Variants in NHSL2 observed in about 807,000 individuals in gnomAD.
The protein encoded by NHSL2 is NHS-like protein 2.
NHSL2 carries 27 observed loss-of-function variants against 53.4 expected under a neutral mutation model. That is an observed-to-expected ratio of 0.51 (90% CI 0.37 to 0.70). NHSL2 has a LOEUF of 0.70. Among genes scored for constraint, NHSL2 ranks in the 30% least tolerant of loss-of-function variants. NHSL2 has a pLI of 0.00. For missense variants in NHSL2, 892 were observed against 980.1 expected (o/e 0.91, Z 1.20); for synonymous variants, 408 against 404.1 (o/e 1.01, Z -0.12).
At chrX:71,932,487 T>C (rs1403193732) in intron 1 of NHSL2, among the ~76,000 whole-genome samples, 1 of 110,821 alleles carries the variant, frequency 9.0e-6, no homozygotes. Flanking sequence ...GAGAGGGGTG[T>C]GCAAGATCAG....
chrX:72,042,544 T>C (rs1179404861), intron 1 of NHSL2, among the ~76,000 whole-genome samples: 3 of 111,440 alleles, frequency 2.7e-5, no homozygotes, highest in Non-Finnish European at 3.8e-5. Flanking sequence ...GAGTTGGTCC[T>C]AGCTCCCCAC....
chrX:72,041,981 C>T (rs1362033902), intron 1 of NHSL2, among the ~76,000 whole-genome samples: 3 of 112,172 alleles, frequency 2.7e-5, no homozygotes, highest in Non-Finnish European at 5.6e-5. Context: ...TTTCCCGCAA[C>T]CCTCAGGTCT....
intron 1 of NHSL2, among the ~76,000 whole-genome samples, chrX:72,120,639 C>T (rs999566124): frequency 1.6e-4 from 18 of 112,037 alleles, no homozygotes; most frequent in African/African-American, 2.3e-4. Flanking sequence ...TTTGGCCCTC[C>T]GCCTCCTTCT....
intron 1 of NHSL2, among the ~76,000 whole-genome samples, chrX:71,937,388 G>A (rs1287205547): frequency 8.9e-6 from 1 of 111,752 alleles, no homozygotes; most frequent in Non-Finnish European, 1.9e-5. Flanking sequence ...TGGACCAAAG[G>A]ACCTAGAACC....
chrX:72,043,006 C>T (rs1009720629), intron 1 of NHSL2, among the ~76,000 whole-genome samples: 1 of 111,263 alleles, frequency 9.0e-6, no homozygotes, highest in African/African-American at 3.3e-5. Context: ...TGTGCCAGGC[C>T]TGGACTAGGT....
At chrX:72,046,341 A>G (rs780991826) in intron 1 of NHSL2, among the ~76,000 whole-genome samples, 3 of 112,096 alleles carry the variant, frequency 2.7e-5, no homozygotes, top group South Asian at 7.4e-4. Context: ...CCATATACTG[A>G]GTAGAGGCAT....
rs983283897 is a variant in NHSL2, at chrX:72,096,861, G to T, written c.281-35218G>T. ...TGGACTCAAACTCCTGGGCTCACGCGATCGTCCTGCCTCAGCCTCCCGAGT... is the reference window on the plus strand; with the variant it reads ...TGGACTCAAACTCCTGGGCTCACGCTATCGTCCTGCCTCAGCCTCCCGAGT... On this transcript the variant is annotated intron_variant, in intron 1 of 7. Transcript: ENST00000633930. 4.5e-5 allele frequency among the ~76,000 whole-genome samples: 5 copies of T among 111,720 alleles called. No individual in the cohort carries two copies. The South Asian group carries it at 1.9e-3, about 41-fold the overall frequency.
Position 72,146,265 on chromosome X carries a change from A to G in NHSL2, c.*2691A>G, listed in dbSNP as rs922933372. The G allele has an allele frequency of 9.0e-5, 10 of 111,400 alleles. No homozygotes were observed. Among genetic ancestry groups the G allele is most frequent in the African/African-American group, 2.6e-4 (8 of 30,572 alleles). 9.2% of individuals were successfully genotyped at this position (111,400 alleles called of 1,213,427 possible). A position where few individuals can be genotyped will look rare whatever the true frequency, so the allele number is the denominator to read the frequency against. On this transcript the variant is annotated 3_prime_UTR_variant, in exon 8 of 8. Coordinates refer to ENST00000633930, the MANE Select transcript of NHSL2 (RefSeq NM_001013627.3). ...ACAACCAAACTGTAAAATTTCTACT[A>G]ATCACTAATTAACAGAACACAAAGC...
Position 71,910,861 on chromosome X carries a change from C to G in NHSL2, c.-227C>G. 4.4e-6 allele frequency: 1 copy of G among 227,143 alleles called. No homozygotes were observed. The highest frequency in any genetic ancestry group is 7.1e-5 in the Admixed American group (1 of 14,057). 18.7% of individuals were successfully genotyped at this position (227,143 alleles called of 1,213,427 possible). On this transcript the variant is annotated 5_prime_UTR_variant, in exon 1 of 8. Transcript: ENST00000633930. ...AGCAGAGTCAGAGGGACTGGTGGCT[C>G]CGGCGAGTGTGCAGCCCCGGGGGAG...
chrX:71,955,604 C>T (rs939205043), intron 1 of NHSL2, among the ~76,000 whole-genome samples: 2 of 110,110 alleles, frequency 1.8e-5, no homozygotes, highest in Non-Finnish European at 3.8e-5. Flanking sequence ...CTAGCCCACA[C>T]GTCTCAAAAA....
chrX:71,998,826 A>G (rs1372612332), intron 1 of NHSL2, among the ~76,000 whole-genome samples: 1 of 111,634 alleles, frequency 9.0e-6, no homozygotes, highest in Non-Finnish European at 1.9e-5. Flanking sequence ...CCACCTTCAC[A>G]CATGCAAACA....
At chrX:72,070,082 G>A (rs1262419091) in intron 1 of NHSL2, among the ~76,000 whole-genome samples, 1 of 111,958 alleles carries the variant, frequency 8.9e-6, no homozygotes, top group Non-Finnish European at 1.9e-5. Context: ...CCTGGATCCA[G>A]TAGGCAGAAT....
intron 1 of NHSL2, among the ~76,000 whole-genome samples, chrX:72,110,760 A>T: frequency 9.9e-6 from 1 of 101,416 alleles, no homozygotes; most frequent in South Asian, 4.8e-4. Context: ...AAACCCAAAG[A>T]GGAACTTCTA....
chrX:72,019,568 CAG>C (rs2042150671), intron 1 of NHSL2, among the ~76,000 whole-genome samples: 1 of 112,236 alleles, frequency 8.9e-6, no homozygotes, highest in Admixed American at 9.4e-5. Context: ...GAATGAATGA[CAG>C]AGGAATGTAC....
At chrX:71,967,677 G>A (rs1270625152) in intron 1 of NHSL2, among the ~76,000 whole-genome samples, 1 of 111,424 alleles carries the variant, frequency 9.0e-6, no homozygotes, top group Non-Finnish European at 1.9e-5. Flanking sequence ...CTTTAAACTT[G>A]TAAAAGTGTG....
At chrX:72,058,889 T>A (rs1485057464) in intron 1 of NHSL2, among the ~76,000 whole-genome samples, 1 of 112,118 alleles carries the variant, frequency 8.9e-6, no homozygotes, top group Non-Finnish European at 1.9e-5. Flanking sequence ...AGGCTGCCAT[T>A]GCAGAGCAAG....
intron 1 of NHSL2, among the ~76,000 whole-genome samples, chrX:71,942,674 T>C (rs2041771950): frequency 8.9e-6 from 1 of 112,490 alleles, no homozygotes; most frequent in Non-Finnish European, 1.9e-5. Context: ...TAAAGAAAAA[T>C]ACTAAGTGAA....
intron 1 of NHSL2, among the ~76,000 whole-genome samples, chrX:72,100,434 A>G (rs1296943734): frequency 8.9e-6 from 1 of 112,212 alleles, no homozygotes; most frequent in African/African-American, 3.2e-5. Context: ...AAACTATGGT[A>G]TCATCTAATG....
Position 72,014,378 on chromosome X carries a change from A to G in NHSL2, c.280+103011A>G, listed in dbSNP as rs1255644123. Among the ~76,000 whole-genome samples the G allele has an allele frequency of 2.7e-5, 3 of 111,619 alleles. No homozygotes were observed. In the Admixed American group the frequency reaches 2.9e-4, roughly 11 times the overall value. ...CTAGTTACTTGAGGTAGGAACTTAG[A>G]TGATTGATTTGAGACCTTTTTTCTT... On this transcript the variant is annotated intron_variant, in intron 1 of 7. Coordinates refer to ENST00000633930, the MANE Select transcript of NHSL2 (RefSeq NM_001013627.3).
Sources: allele counts gnomAD v4.1 joint callset (sites outside exome capture counted in the v4.1 genomes callset), GRCh38; gene constraint gnomAD v4.1.1; transcripts MANE v1.5; gene names NCBI Gene and HGNC (gene_info 2026-07-23, HGNC 2026-07-21).